LRRC4B: variants seen among roughly 807,000 people sequenced by gnomAD.
The protein encoded by LRRC4B is leucine-rich repeat-containing protein 4B.
A neutral mutation model predicts 7.3 loss-of-function variants in LRRC4B; 1 was observed. The ratio of observed to expected loss-of-function variants is 0.14; its 90% confidence interval spans 0.05 to 0.65. LRRC4B has a LOEUF of 0.65. Ranked by LOEUF, LRRC4B falls within the 30% of genes least tolerant of loss-of-function variation. The pLI, the probability that LRRC4B is intolerant of heterozygous loss-of-function variation, is 0.84. For missense variants in LRRC4B, 730 were observed against 1,041.6 expected (o/e 0.70, Z 4.12); for synonymous variants, 500 against 499.2 (o/e 1.00, Z -0.02).
chr19:50,564,313 T>C (rs1052227120), intron 1 of LRRC4B, among the ~76,000 whole-genome samples: 2 of 152,076 alleles, frequency 1.3e-5, no homozygotes, highest in African/African-American at 4.8e-5. Context: ...AATAACCCTC[T>C]TGGGCCGCCC....
At chr19:50,534,923 G>C (rs1192653780) in intron 2 of LRRC4B, among the ~76,000 whole-genome samples, 1 of 152,084 alleles carries the variant, frequency 6.6e-6, no homozygotes, top group Non-Finnish European at 1.5e-5. Flanking sequence ...CACCAGGCTG[G>C]AGTGCAGCGA....
At chr19:50,536,593 G>A (rs16985420) in intron 2 of LRRC4B, among the ~76,000 whole-genome samples, 12,142 of 152,172 alleles carry the variant, frequency 0.08, 1,587 homozygotes, top group African/African-American at 0.28. Context: ...TGGATTAGCC[G>A]GGGCTGTTCA....
rs1390224085 is a variant in LRRC4B, at chr19:50,553,139, C to T, written c.-35-4266G>A. On this transcript the variant is annotated intron_variant, in intron 1 of 2. Coordinates refer to ENST00000652263, the MANE Select transcript of LRRC4B (RefSeq NM_001080457.2). The surrounding 1 kb of genome is among the most constrained non-coding windows in gnomAD (Gnocchi z 4.2). ...CCCCAGAATCAGAGGATCTTTCTCC[C>T]CACGCCCAGGCTACTTCCCTGACCT... Among the ~76,000 whole-genome samples, 2 of 152,178 alleles carry T rather than the reference C, an allele frequency of 1.3e-5. No individual in the cohort carries two copies. Among genetic ancestry groups the T allele is most frequent in the African/African-American group, 2.4e-5 (1 of 41,438 alleles).
intron 2 of LRRC4B, among the ~76,000 whole-genome samples, chr19:50,540,765 C>G (rs573885902): frequency 6.6e-6 from 1 of 151,876 alleles, no homozygotes; most frequent in Admixed American, 6.6e-5. Flanking sequence ...ATCACTGTCT[C>G]CCATCACCCC....
At chr19:50,542,924 G>A (rs891345882) in intron 2 of LRRC4B, among the ~76,000 whole-genome samples, 4 of 152,070 alleles carry the variant, frequency 2.6e-5, no homozygotes, top group African/African-American at 9.7e-5. Context: ...TCACCCCGTG[G>A]ACTTAGAGTC....
chr19:50,560,545 A>G (rs758097653), intron 1 of LRRC4B, among the ~76,000 whole-genome samples: 1 of 152,262 alleles, frequency 6.6e-6, no homozygotes, highest in Non-Finnish European at 1.5e-5. Flanking sequence ...TCCAGGATCC[A>G]GAAGATCCTC....
Position 50,519,380 on chromosome 19 carries a change from G to A in LRRC4B, c.333C>T (p.His111=). 1 of 1,606,906 alleles carries A rather than the reference G, an allele frequency of 6.2e-7. No homozygotes were observed. The highest frequency in any genetic ancestry group is 8.5e-7 in the Non-Finnish European group (1 of 1,178,920). The change falls in exon 3 of 3, where the codon CAC becomes CAT. Residue 111 remains histidine (H), a synonymous_variant. Transcript: ENST00000652263. The surrounding 1 kb of genome is among the most constrained non-coding windows in gnomAD (Gnocchi z 8.1). Reference sequence around the variant, plus strand: ...TCTTGCTCAGCTGCAGAATCTCCAGGTGCCGCAGGTGCTTGAACGTGTCCG... The same window carrying A: ...TCTTGCTCAGCTGCAGAATCTCCAGATGCCGCAGGTGCTTGAACGTGTCCG... The part of the protein sequence containing the change: ...IRTDTFKHLR[H]LEILQLSKNL...
intron 2 of LRRC4B, among the ~76,000 whole-genome samples, chr19:50,533,680 G>A (rs773727275): frequency 1.3e-5 from 2 of 152,184 alleles, no homozygotes; most frequent in African/African-American, 2.4e-5. Context: ...TAAAAGGGGG[G>A]GAATCATAAT....
At chr19:50,550,181 A>G (rs1469321260) in intron 1 of LRRC4B, among the ~76,000 whole-genome samples, 1 of 152,152 alleles carries the variant, frequency 6.6e-6, no homozygotes, top group African/African-American at 2.4e-5. Flanking sequence ...CTGAGGCACT[A>G]TGAGGGAAAA....
At chr19:50,566,129 T>C (rs1260521846) in intron 1 of LRRC4B, among the ~76,000 whole-genome samples, 1 of 143,110 alleles carries the variant, frequency 7.0e-6, no homozygotes, top group Non-Finnish European at 1.5e-5. Context: ...GAAAGGCAGG[T>C]TAGAAGGCGA....
chr19:50,545,400 C>T (rs943622987), intron 2 of LRRC4B, among the ~76,000 whole-genome samples: 2 of 134,768 alleles, frequency 1.5e-5, no homozygotes, highest in African/African-American at 5.8e-5. Flanking sequence ...AAGAGTGAAA[C>T]TCCATCTCAA....
intron 2 of LRRC4B, among the ~76,000 whole-genome samples, chr19:50,545,231 A>G (rs1981747939): frequency 1.3e-5 from 2 of 151,624 alleles, no homozygotes; most frequent in African/African-American, 4.9e-5. Flanking sequence ...AACATGGAGA[A>G]ACCCTGTCTC....
Position 50,517,829 on chromosome 19 carries a change from C to T in LRRC4B, c.1884G>A (p.Ser628=), listed in dbSNP as rs1427887044. ...CGGCCGCGGCGGCCACGGACACGGC[C>T]GAGGCGGCGGGCAGCTCGTCCTCCA... ...INVEDELPAA[S]AVSVAAAAAV... Residue 628 remains serine, a synonymous_variant, in exon 3 of 3, where the codon TCG becomes TCA. Coordinates refer to ENST00000652263, the MANE Select transcript of LRRC4B (RefSeq NM_001080457.2). This position sits in a 1 kb window ranked among gnomAD's most constrained non-coding sequence, Gnocchi z 6.6. 6.4e-7 allele frequency: 1 copy of T among 1,572,704 alleles called. No homozygotes were observed. The highest frequency in any genetic ancestry group is 8.6e-7 in the Non-Finnish European group (1 of 1,163,976).
intron 1 of LRRC4B, among the ~76,000 whole-genome samples, chr19:50,551,242 C>T (rs1014755326): frequency 2.0e-5 from 3 of 152,026 alleles, no homozygotes; most frequent in African/African-American, 7.2e-5. Context: ...CCCCCCCCTC[C>T]ACATGCCTCC....
rs1981324835 is a variant in LRRC4B at position 50,537,032 on chromosome 19, G to A, written c.297+11510C>T. Among the ~76,000 whole-genome samples, 2 of 152,192 alleles carry A rather than the reference G, an allele frequency of 1.3e-5. No homozygotes were observed. The highest frequency in any genetic ancestry group is 4.1e-4 in the South Asian group (2 of 4,828). ...TCTGGGAGGCTAGGAAGAAGCTGGG[G>A]CTTCCAGATGAGCAAGGACAAGGCC... On this transcript the variant is annotated intron_variant, in intron 2 of 2. Coordinates refer to ENST00000652263, the MANE Select transcript of LRRC4B (RefSeq NM_001080457.2). The surrounding 1 kb of genome is among the most constrained non-coding windows in gnomAD (Gnocchi z 5.5).
intron 1 of LRRC4B, among the ~76,000 whole-genome samples, chr19:50,567,720 C>A (rs1982680092): frequency 6.8e-6 from 1 of 146,240 alleles, no homozygotes; most frequent in South Asian, 2.3e-4. Context: ...CAACCACCCC[C>A]CCCACAGCAC....
chr19:50,535,361 A>G (rs1364987591), intron 2 of LRRC4B, among the ~76,000 whole-genome samples: 22 of 151,888 alleles, frequency 1.4e-4, no homozygotes, highest in African/African-American at 5.3e-4. Flanking sequence ...TAGTAGAGAC[A>G]AGGTTTCACC....
intron 2 of LRRC4B, among the ~76,000 whole-genome samples, chr19:50,536,847 T>C (rs1430438724): frequency 2.6e-5 from 4 of 152,186 alleles, no homozygotes; most frequent in South Asian, 2.1e-4. Flanking sequence ...TGGTGCCCAG[T>C]AGAGGGTGCC....
chr19:50,544,254 C>A (rs1171995324), intron 2 of LRRC4B, among the ~76,000 whole-genome samples: 1 of 151,980 alleles, frequency 6.6e-6, no homozygotes, highest in East Asian at 1.9e-4. Context: ...TGCCTGTAAT[C>A]CCAGCACTTT....
Sources: gnomAD v4.1 joint callset for allele counts (sites outside exome capture counted in the v4.1 genomes callset) on GRCh38, gnomAD v4.1.1 for gene constraint, Gnocchi (gnomAD v3.1) non-coding constraint, MANE v1.5 for transcripts, NCBI Gene and HGNC (gene_info 2026-07-23, HGNC 2026-07-21) for gene names.